Variants in ROBO2 observed in about 807,000 individuals in gnomAD.
ROBO2 encodes roundabout homolog 2.
A neutral mutation model predicts 160.8 loss-of-function variants in ROBO2; 53 were observed. The observed-to-expected ratio is 0.33, with a 90% CI of 0.26 to 0.41. ROBO2 has a LOEUF of 0.41. Among genes scored for constraint, ROBO2 ranks in the 10% least tolerant of loss-of-function variants. The probability of loss-of-function intolerance (pLI) is 1.00; values close to 1 mark genes in which losing one functional copy is unlikely to be tolerated. For synonymous variants in ROBO2, 664 were observed against 611.7 expected (o/e 1.09, Z -1.26); for missense variants, 1,577 against 1,722.4 (o/e 0.92, Z 1.49).
At chr3:76,252,311 A>G (rs1457934760) in intron 2 of ROBO2, among the ~76,000 whole-genome samples, 2 of 152,102 alleles carry the variant, frequency 1.3e-5, no homozygotes, top group African/African-American at 4.8e-5. Context: ...ATGATCAACC[A>G]GACGTAATTG....
intron 2 of ROBO2, among the ~76,000 whole-genome samples, chr3:76,139,733 C>T (rs138160213): frequency 7.2e-5 from 11 of 152,140 alleles, no homozygotes; most frequent in Admixed American, 3.9e-4. Flanking sequence ...ATATAAAGAG[C>T]CCCTGAAGCA....
chr3:75,990,092 G>C (rs997358080), intron 2 of ROBO2, among the ~76,000 whole-genome samples: 2 of 151,894 alleles, frequency 1.3e-5, no homozygotes, highest in African/African-American at 4.8e-5. Flanking sequence ...TATAAAGTAT[G>C]TTTCTAGAAA....
intron 13 of ROBO2, among the ~76,000 whole-genome samples, chr3:77,572,803 AT>A (rs1383533993): frequency 1.3e-5 from 2 of 152,002 alleles, no homozygotes. Flanking sequence ...GTTGCCCCCA[AT>A]TAAAAATAAA....
At chr3:76,313,746 A>AT (rs942140403) in intron 2 of ROBO2, among the ~76,000 whole-genome samples, 24 of 150,246 alleles carry the variant, frequency 1.6e-4, no homozygotes, top group South Asian at 4.2e-4. Flanking sequence ...CTTCCGAGTT[A>AT]TTTTTTTTTT....
At chr3:77,558,000 G>T (rs376227245) in exon 9 of ROBO2, 14 of 1,613,150 alleles carry the variant, frequency 8.7e-6, no homozygotes, top group Non-Finnish European at 1.2e-5. Flanking sequence ...CCAAACGCTG[G>T]CAGTGGATGG....
chr3:76,182,615 T>C (rs1191271868), intron 2 of ROBO2, among the ~76,000 whole-genome samples: 2 of 152,234 alleles, frequency 1.3e-5, no homozygotes, highest in African/African-American at 2.4e-5. Context: ...ATATGGACTA[T>C]TGTGAATTAC....
At chr3:77,345,355 ACC>A (rs770977143) in intron 2 of ROBO2, among the ~76,000 whole-genome samples, 27 of 152,230 alleles carry the variant, frequency 1.8e-4, no homozygotes, top group Non-Finnish European at 3.7e-4. Flanking sequence ...ACACACCCTT[ACC>A]ACACATGATT....
intron 13 of ROBO2, among the ~76,000 whole-genome samples, chr3:77,573,884 G>A (rs534757006): frequency 4.5e-4 from 68 of 151,624 alleles, no homozygotes; most frequent in African/African-American, 1.6e-3. Context: ...CCATGGTTCA[G>A]TCATTATTAG....
chr3:77,226,197 A>G (rs2086476652), intron 2 of ROBO2, among the ~76,000 whole-genome samples: 1 of 152,088 alleles, frequency 6.6e-6, no homozygotes, highest in Non-Finnish European at 1.5e-5. Flanking sequence ...TTAGAAAATT[A>G]AGGTTTTCTT....
intron 2 of ROBO2, among the ~76,000 whole-genome samples, chr3:77,476,907 C>T (rs1273629841): frequency 6.6e-6 from 1 of 152,098 alleles, no homozygotes; most frequent in Non-Finnish European, 1.5e-5. Context: ...AATCTGTCTT[C>T]TGAAGTGTAA....
intron 2 of ROBO2, among the ~76,000 whole-genome samples, chr3:77,116,769 C>T (rs1034851989): frequency 2.0e-5 from 3 of 152,092 alleles, no homozygotes; most frequent in African/African-American, 7.2e-5. Context: ...GCAAGTCTTT[C>T]GCCTTAGCCC....
chr3:77,080,288 C>T (rs896331374), intron 1 of ROBO2, among the ~76,000 whole-genome samples: 2 of 152,070 alleles, frequency 1.3e-5, no homozygotes, highest in African/African-American at 4.8e-5. Flanking sequence ...GGAAGACAAT[C>T]GCAGAGGCAT....
chr3:76,780,222 A>C (rs980110374), intron 2 of ROBO2, among the ~76,000 whole-genome samples: 3 of 145,370 alleles, frequency 2.1e-5, no homozygotes, highest in African/African-American at 7.5e-5. Flanking sequence ...TTTTTTGGAG[A>C]GCTGTCTATT....
intron 1 of ROBO2, among the ~76,000 whole-genome samples, chr3:75,926,868 T>C (rs1947313563): frequency 6.6e-6 from 1 of 152,214 alleles, no homozygotes; most frequent in Non-Finnish European, 1.5e-5. Context: ...TTGGCAGATA[T>C]CATATACACA....
At chr3:77,280,899 A>T (rs2060197759) in intron 2 of ROBO2, among the ~76,000 whole-genome samples, 1 of 152,322 alleles carries the variant, frequency 6.6e-6, no homozygotes, top group East Asian at 1.9e-4. Flanking sequence ...AAGCAAAATA[A>T]TTAAGAATTA....
chr3:75,951,758 GA>G (rs978657815), intron 2 of ROBO2, among the ~76,000 whole-genome samples: 2 of 150,562 alleles, frequency 1.3e-5, no homozygotes, highest in Non-Finnish European at 3.0e-5. Flanking sequence ...ATGTGTGGTG[GA>G]AAAAAAAATC....
chr3:77,468,826 T>C (rs1010334720), intron 2 of ROBO2, among the ~76,000 whole-genome samples: 1 of 152,180 alleles, frequency 6.6e-6, no homozygotes, highest in Non-Finnish European at 1.5e-5. Context: ...AGAATCTCAT[T>C]GGAGGTGGGG....
At chr3:76,118,060 G>A (rs1253021390) in intron 2 of ROBO2, among the ~76,000 whole-genome samples, 1 of 152,062 alleles carries the variant, frequency 6.6e-6, no homozygotes, top group African/African-American at 2.4e-5. Context: ...GAGTTAATGG[G>A]TGCAGCACAC....
intron 2 of ROBO2, among the ~76,000 whole-genome samples, chr3:76,162,369 G>A (rs2072675312): frequency 6.6e-6 from 1 of 152,126 alleles, no homozygotes; most frequent in Non-Finnish European, 1.5e-5. Context: ...GAGTTCAGTG[G>A]CATTTTCATA....
Sources: allele counts gnomAD v4.1 joint callset (sites outside exome capture counted in the v4.1 genomes callset), GRCh38; gene constraint gnomAD v4.1.1; transcripts MANE v1.5; gene names NCBI Gene and HGNC (gene_info 2026-07-23, HGNC 2026-07-21).